The following NBAS variants were observed in gnomAD, a reference collection of about 807,000 sequenced individuals.
The protein encoded by NBAS is NBAS subunit of NRZ tethering complex, also known as NAG/BC035112 fusion.
Under a neutral mutation model 302.5 loss-of-function variants are expected in NBAS, and 219 were observed. The observed-to-expected ratio is 0.72, with a 90% CI of 0.65 to 0.81. The LOEUF is 0.81. Ranked by LOEUF, NBAS falls within the 30% of genes least tolerant of loss-of-function variation. The pLI is 0.00. For synonymous variants in NBAS, 1,118 were observed against 1,021.6 expected (o/e 1.09, Z -1.80); for missense variants, 2,932 against 2,841.6 (o/e 1.03, Z -0.72).
At chr2:15,505,053 C>G (rs1178303032) in intron 10 of NBAS, among the ~76,000 whole-genome samples, 1 of 152,320 alleles carries the variant, frequency 6.6e-6, no homozygotes, top group Middle Eastern at 3.4e-3. Flanking sequence ...AAACCATACT[C>G]TCCACTTAGC....
chr2:15,439,212 A>C (rs554856596), intron 21 of NBAS, among the ~76,000 whole-genome samples: 666 of 150,928 alleles, frequency 4.4e-3, no homozygotes, highest in Non-Finnish European at 6.1e-3. Flanking sequence ...CTGAGGCAGG[A>C]GAATGGCGTG....
the NBAS span, among the ~76,000 whole-genome samples, chr2:14,790,626 C>T: frequency 6.7e-6 from 1 of 150,156 alleles, no homozygotes; most frequent in Non-Finnish European, 1.5e-5. Flanking sequence ...AAGGTAGATA[C>T]TTCTCACAGA....
chr2:14,972,391 T>G, the NBAS span, among the ~76,000 whole-genome samples: 2 of 151,922 alleles, frequency 1.3e-5, no homozygotes, highest in Non-Finnish European at 2.9e-5. Context: ...CAAACCTAAA[T>G]GTTCTGCACA....
At chr2:15,204,373 A>G (rs1233560545) in intron 48 of NBAS, among the ~76,000 whole-genome samples, 1 of 152,222 alleles carries the variant, frequency 6.6e-6, no homozygotes, top group Non-Finnish European at 1.5e-5. Flanking sequence ...CAAAATTCAT[A>G]TGTACTCCAG....
At chr2:15,524,155 A>T (rs968336809) in intron 9 of NBAS, among the ~76,000 whole-genome samples, 1 of 152,224 alleles carries the variant, frequency 6.6e-6, no homozygotes, top group Non-Finnish European at 1.5e-5. Context: ...TCTCTGTGAC[A>T]CCACAGATTT....
chr2:14,995,978 T>C, the NBAS span, among the ~76,000 whole-genome samples: 1 of 151,642 alleles, frequency 6.6e-6, no homozygotes, highest in South Asian at 2.1e-4. Context: ...CAGCTCTGTC[T>C]TAGGTGCCCC....
the NBAS span, among the ~76,000 whole-genome samples, chr2:14,961,057 G>T: frequency 6.6e-6 from 1 of 152,110 alleles, no homozygotes; most frequent in South Asian, 2.1e-4. Context: ...TCTCCCAACA[G>T]CTGGCCTGGA....
At chr2:15,482,304 A>G (rs1049100786) in intron 12 of NBAS, among the ~76,000 whole-genome samples, 10 of 151,792 alleles carry the variant, frequency 6.6e-5, no homozygotes, top group African/African-American at 1.9e-4. Flanking sequence ...TTTTGTAGAG[A>G]TGAAGTCTCA....
intron 9 of NBAS, among the ~76,000 whole-genome samples, chr2:15,520,072 A>C (rs553402071): frequency 6.6e-6 from 1 of 152,168 alleles, no homozygotes; most frequent in Non-Finnish European, 1.5e-5. Context: ...ACTCGGCTAT[A>C]ATTTTTTTTA....
intron 48 of NBAS, among the ~76,000 whole-genome samples, chr2:15,216,268 A>G (rs1168265182): frequency 6.6e-6 from 1 of 152,184 alleles, no homozygotes; most frequent in African/African-American, 2.4e-5. Context: ...AACAGGGAAA[A>G]TGCTCTTACA....
intron 47 of NBAS, among the ~76,000 whole-genome samples, chr2:15,219,348 A>C (rs1483427903): frequency 1.9e-5 from 2 of 103,782 alleles, no homozygotes; most frequent in Non-Finnish European, 3.9e-5. Flanking sequence ...TTTTTTATTG[A>C]TCATTCTTGG....
the NBAS span, among the ~76,000 whole-genome samples, chr2:14,888,882 G>C: frequency 6.6e-6 from 1 of 152,212 alleles, no homozygotes; most frequent in Admixed American, 6.5e-5. Context: ...GTAGAGGTCA[G>C]TTGAAATGAG....
the NBAS span, among the ~76,000 whole-genome samples, chr2:14,867,519 G>A: frequency 1.3e-5 from 2 of 152,154 alleles, no homozygotes; most frequent in Non-Finnish European, 2.9e-5. Context: ...GTTTCTAGAT[G>A]CTTGCCCTTG....
the NBAS span, among the ~76,000 whole-genome samples, chr2:14,836,960 T>C: frequency 4.6e-5 from 7 of 152,040 alleles, no homozygotes; most frequent in South Asian, 1.4e-3. Flanking sequence ...TTCATGTGTA[T>C]TTTTATTATT....
At chr2:15,116,981 C>T in the NBAS span, among the ~76,000 whole-genome samples, 1 of 152,096 alleles carries the variant, frequency 6.6e-6, no homozygotes, top group African/African-American at 2.4e-5. Flanking sequence ...TTAATTCTCT[C>T]CTACTTCCCT....
At chr2:15,315,201 T>C (rs1671453059) in intron 38 of NBAS, among the ~76,000 whole-genome samples, 1 of 152,178 alleles carries the variant, frequency 6.6e-6, no homozygotes, top group African/African-American at 2.4e-5. Context: ...TGCAGTGTAG[T>C]GTCAAGAGGT....
At chr2:15,289,505 T>C (rs909048829) in intron 41 of NBAS, among the ~76,000 whole-genome samples, 2 of 152,174 alleles carry the variant, frequency 1.3e-5, no homozygotes, top group East Asian at 3.9e-4. Flanking sequence ...CTTTCTATTA[T>C]GGGGTTATGG....
chr2:15,152,511 C>T, the NBAS span, among the ~76,000 whole-genome samples: 7 of 152,164 alleles, frequency 4.6e-5, no homozygotes, highest in South Asian at 2.1e-4. Flanking sequence ...TTGCAGCAGC[C>T]GAGTTTCAGC....
chr2:15,094,709 G>A, the NBAS span, among the ~76,000 whole-genome samples: 6 of 152,258 alleles, frequency 3.9e-5, no homozygotes, highest in African/African-American at 1.2e-4. Flanking sequence ...TCCCTCAGCC[G>A]GCTGAACCCT....
Sources: gnomAD v4.1 joint callset for allele counts (sites outside exome capture counted in the v4.1 genomes callset) on GRCh38, gnomAD v4.1.1 for gene constraint, MANE v1.5 for transcripts, NCBI Gene and HGNC (gene_info 2026-07-23, HGNC 2026-07-21) for gene names.